The following HERC2 variants were observed in gnomAD, a reference collection of about 807,000 sequenced individuals.
HERC2 encodes the protein HECT and RLD domain containing E3 ubiquitin protein ligase 2.
In HERC2, 102 loss-of-function variants were observed where a neutral mutation model predicts 537.7. The ratio of observed to expected loss-of-function variants is 0.19; its 90% CI spans 0.16 to 0.22. HERC2 has a LOEUF of 0.22. Ranked by LOEUF, HERC2 falls within the 10% of genes least tolerant of loss-of-function variation. The pLI is 1.00. For synonymous variants in HERC2, 2,224 were observed against 2,466.2 expected (o/e 0.90, Z 2.91); for missense variants, 4,236 against 6,198.2 (o/e 0.68, Z 10.63).
At chr15:28,214,824 C>T (rs777411282) in intron 39 of HERC2, 22 bp from the exon 40 acceptor site, 7 of 1,588,722 alleles carry the variant, frequency 4.4e-6, no homozygotes, top group South Asian at 3.4e-5. Context: ...AAATTTATAA[C>T]GACAAGCATT....
chr15:28,299,966 T>C (rs1267093944), intron 2 of HERC2, among the ~76,000 whole-genome samples: 1 of 150,782 alleles, frequency 6.6e-6, no homozygotes, highest in South Asian at 2.1e-4. Flanking sequence ...GGCAGGAGAA[T>C]TGCTTGAACC....
At chr15:28,261,680 T>C (rs2075418194) in intron 15 of HERC2, among the ~76,000 whole-genome samples, 1 of 152,138 alleles carries the variant, frequency 6.6e-6, no homozygotes, top group African/African-American at 2.4e-5. Context: ...GAGGGGAATA[T>C]AAACAAGAAG....
intron 65 of HERC2, among the ~76,000 whole-genome samples, chr15:28,173,849 A>C (rs1269943371): frequency 1.3e-5 from 2 of 151,304 alleles, no homozygotes; most frequent in Admixed American, 1.3e-4. Flanking sequence ...AAACATGCAA[A>C]CTGATCTCTA....
chr15:28,301,784 TTA>T (rs1464446546), intron 2 of HERC2, among the ~76,000 whole-genome samples: 1 of 101,178 alleles, frequency 9.9e-6, no homozygotes, highest in Non-Finnish European at 2.0e-5. Context: ...TATATATGGG[TTA>T]TATATTCTAT....
At chr15:28,235,162 G>T (rs527737694) in intron 26 of HERC2, among the ~76,000 whole-genome samples, 2 of 152,132 alleles carry the variant, frequency 1.3e-5, no homozygotes, top group South Asian at 4.2e-4. Context: ...TGGACATTTA[G>T]ATTTTAGAGC....
chr15:28,182,652 G>GA, intron 56 of HERC2, 140 bp from the exon 57 acceptor site: 1 of 666,182 alleles, frequency 1.5e-6, no homozygotes, highest in Admixed American at 2.9e-5. Context: ...TGCTTTAATA[G>GA]AAAAAAACCT....
intron 23 of HERC2, among the ~76,000 whole-genome samples, chr15:28,239,502 C>A (rs1026454761): frequency 3.4e-5 from 5 of 147,466 alleles, no homozygotes; most frequent in Non-Finnish European, 5.9e-5. Flanking sequence ...GTACCTCCTG[C>A]TAACCAGACA....
chr15:28,289,831 A>T (rs368460220), intron 4 of HERC2, among the ~76,000 whole-genome samples: 1 of 152,188 alleles, frequency 6.6e-6, no homozygotes, highest in East Asian at 1.9e-4. Context: ...TGAGAGGACG[A>T]CACACCTCAG....
intron 50 of HERC2, among the ~76,000 whole-genome samples, chr15:28,197,079 T>G (rs1371665456): frequency 6.6e-6 from 1 of 152,212 alleles, no homozygotes; most frequent in African/African-American, 2.4e-5. Context: ...AACAATCTCT[T>G]AAGCAAAGAA....
Position 28,117,112 on chromosome 15 carries a change from C to T in HERC2, c.13315G>A (p.Gly4439Ser). 6.2e-7 allele frequency: 1 copy of T among 1,614,094 alleles called. No homozygotes were observed. Among genetic ancestry groups the T allele is most frequent in the Non-Finnish European group, 8.5e-7 (1 of 1,180,012 alleles). ...ATCTGCCCAAAGACAGACTTGGTGC[C>T]GTCGGGGCCGGCCAGCCCGCCTTTG... Reference protein sequence around the residue: ...RSKGGLAGPDGTKSVFGQMCA... With the variant: ...RSKGGLAGPDSTKSVFGQMCA... Residue 4439 changes from glycine (G) to serine (S), a missense_variant, in exon 87 of 93, where the codon GGC becomes AGC. Gly to Ser is a moderately conservative substitution (Grantham distance 56). Coordinates refer to ENST00000261609, the MANE Select transcript of HERC2 (RefSeq NM_004667.6).
At chr15:28,127,942 CTTG>C (rs1441381116) in intron 83 of HERC2, among the ~76,000 whole-genome samples, 2 of 152,252 alleles carry the variant, frequency 1.3e-5, no homozygotes, top group African/African-American at 2.4e-5. Context: ...CTACTAAATA[CTTG>C]TTAATTATAA....
At position 28,264,414 on chromosome 15, in the gene HERC2, C is replaced by T. The variant is rs190611576; in HGVS notation, c.1870+1204G>A. Among the ~76,000 whole-genome samples, 37 of 152,300 alleles carry T rather than the reference C, an allele frequency of 2.4e-4. 1 individual carries two copies. The East Asian group carries it at 7.0e-3, about 29-fold the overall frequency. On this transcript the variant is annotated intron_variant, in intron 14 of 92. Coordinates refer to ENST00000261609, the MANE Select transcript of HERC2 (RefSeq NM_004667.6). ...GCACAGCAGACCTGAACACAGAGAT[C>T]GGAGCATGCATTTCCATATGCTGTG...
chr15:28,117,467 C>G (rs551555052), intron 86 of HERC2: 1 of 643,198 alleles, frequency 1.6e-6, no homozygotes, highest in African/African-American at 1.8e-5. Context: ...AGCTGCGGCC[C>G]GGCAGCACCA....
intron 2 of HERC2, among the ~76,000 whole-genome samples, chr15:28,310,364 G>C (rs2076908035): frequency 6.6e-6 from 1 of 152,076 alleles, no homozygotes. Context: ...AGAACTGCTT[G>C]AGACCAGGAG....
rs764824624 is a variant in HERC2 at position 28,215,817 on chromosome 15, A to G, written c.6029-15T>C. 6.6e-7 allele frequency: 1 copy of G among 1,518,584 alleles called. No homozygotes were observed. Among genetic ancestry groups the G allele is most frequent in the Non-Finnish European group, 9.1e-7 (1 of 1,104,542 alleles). The allele number at this position is 1,518,584 out of a possible 1,614,324, so 94.1% of individuals were successfully genotyped here. ...GTTTGGAGAAGCTGCAGGAGGGAAA[A>G]TAGACATGCTTGGTAACAAGTCCCT... is the stretch of plus-strand genomic sequence containing the variant. On this transcript the variant is annotated splice_polypyrimidine_tract_variant and intron_variant, in intron 38 of 92. Transcript: ENST00000261609.
intron 20 of HERC2, among the ~76,000 whole-genome samples, chr15:28,252,936 G>A (rs2075130691): frequency 6.6e-6 from 1 of 152,186 alleles, no homozygotes; most frequent in Admixed American, 6.5e-5. Context: ...GACCCACCAT[G>A]GTCCCATGAA....
At chr15:28,173,771 C>CCAGCCTGGGCGA (rs778571622) in intron 65 of HERC2, among the ~76,000 whole-genome samples, 56 of 147,026 alleles carry the variant, frequency 3.8e-4, no homozygotes, top group South Asian at 3.1e-3. Flanking sequence ...CCACTGCACT[C>CCAGCCTGGGCGA]CAGAGTGAGA....
At chr15:28,242,005 T>C (rs1166783785) in intron 23 of HERC2, among the ~76,000 whole-genome samples, 1 of 152,168 alleles carries the variant, frequency 6.6e-6, no homozygotes, top group African/African-American at 2.4e-5. Context: ...GTAAGGACAT[T>C]CAGACACTTT....
At position 28,145,720 on chromosome 15, in the gene HERC2, C is replaced by A. The variant is rs1040286894; in HGVS notation, c.11008+517G>T. Among the ~76,000 whole-genome samples, 4 of 152,292 alleles carry A rather than the reference C, an allele frequency of 2.6e-5. No individual in the cohort carries two copies. The South Asian group carries it at 6.2e-4, about 24-fold the overall frequency. The stretch of plus-strand genomic sequence containing the variant: ...GTCTTAAAAGGTGCATACACACACC[C>A]CTGCACTGCCAATTCTAAAATACTT... On this transcript the variant is annotated intron_variant, in intron 71 of 92. Coordinates refer to ENST00000261609, the MANE Select transcript of HERC2 (RefSeq NM_004667.6).
Sources: gnomAD v4.1 joint callset for allele counts (sites outside exome capture counted in the v4.1 genomes callset) on GRCh38, gnomAD v4.1.1 for gene constraint, MANE v1.5 for transcripts, NCBI Gene and HGNC (gene_info 2026-07-23, HGNC 2026-07-21) for gene names.